Variants in PBX3 observed in about 807,000 individuals in gnomAD.
PBX3 encodes the protein PBX homeobox 3.
PBX3 carries 14 observed loss-of-function variants against 48.5 expected under a neutral mutation model. That is an observed-to-expected ratio of 0.29 (90% CI 0.19 to 0.45). The LOEUF (loss-of-function observed/expected upper bound fraction) is 0.45. Among genes scored for constraint, PBX3 ranks in the 20% least tolerant of loss-of-function variants. The pLI, the probability that PBX3 is intolerant of heterozygous loss-of-function variation, is 1.00. For synonymous variants in PBX3, 210 were observed against 200.3 expected (o/e 1.05, Z -0.41); for missense variants, 386 against 546.7 (o/e 0.71, Z 2.93).
At chr9:125,780,074 C>A (rs1234114933) in intron 2 of PBX3, among the ~76,000 whole-genome samples, 4 of 132,520 alleles carry the variant, frequency 3.0e-5, no homozygotes, top group Non-Finnish European at 4.9e-5. Context: ...CTGACCCCCC[C>A]ACCTCCCTCC....
intron 3 of PBX3, among the ~76,000 whole-genome samples, chr9:125,924,720 A>G (rs182372580): frequency 7.5e-4 from 114 of 152,342 alleles, no homozygotes; most frequent in African/African-American, 2.7e-3. Flanking sequence ...TATGGATATC[A>G]ACTCTGAACT....
rs191171455 is a variant in PBX3, at chr9:125,953,110, T to G, written c.844-7574T>G. Among the ~76,000 whole-genome samples the G allele has an allele frequency of 2.0e-5, 3 of 152,316 alleles. No homozygotes were observed. In the East Asian group the frequency reaches 5.8e-4, roughly 29 times the overall value. ...GTGAATATTTCCCCTCAACATGATC[T>G]TTAATAAATGATCATATTCCATTAT... On this transcript the variant is annotated intron_variant, in intron 5 of 8. Coordinates refer to ENST00000373489, the MANE Select transcript of PBX3 (RefSeq NM_006195.6).
chr9:125,869,298 A>G (rs1840060985), intron 2 of PBX3, among the ~76,000 whole-genome samples: 1 of 152,202 alleles, frequency 6.6e-6, no homozygotes, highest in African/African-American at 2.4e-5. Flanking sequence ...CCCAACAAAC[A>G]TTTAATTTAT....
chr9:125,788,465 T>G (rs1481902618), intron 2 of PBX3, among the ~76,000 whole-genome samples: 1 of 152,216 alleles, frequency 6.6e-6, no homozygotes, highest in Non-Finnish European at 1.5e-5. Context: ...TTGTCTGTAC[T>G]TTCGTTATAA....
intron 2 of PBX3, among the ~76,000 whole-genome samples, chr9:125,848,144 A>G (rs1298707488): frequency 6.6e-6 from 1 of 152,006 alleles, no homozygotes; most frequent in Non-Finnish European, 1.5e-5. Context: ...TCTCTGGAGA[A>G]CCAGTTTAGA....
In PBX3 at chr9:125,747,716, G is replaced by A. The variant is rs573780903; in HGVS notation, c.200+63G>A. 6.0e-6 allele frequency: 8 copies of A among 1,331,454 alleles called. No individual in the cohort carries two copies. The East Asian group carries it at 2.5e-4, about 41-fold the overall frequency. The allele number at this position is 1,331,454 out of a possible 1,614,324, so 82.5% of individuals were successfully genotyped here. A position where few individuals can be genotyped will look rare whatever the true frequency, so the allele number is the denominator to read the frequency against. ...CGGGAGCCGGGCCCGCGGCCGAGTC[G>A]AGGCCCGGGGTGGCGCCCGGGGCTA... On this transcript the variant is annotated intron_variant, in intron 1 of 8. Transcript: ENST00000373489.
chr9:125,920,606 C>T, intron 3 of PBX3, among the ~76,000 whole-genome samples: 1 of 152,208 alleles, frequency 6.6e-6, no homozygotes, highest in South Asian at 2.1e-4. Context: ...TCATAATTTA[C>T]AGCTGCTATA....
At chr9:125,880,594 A>G (rs1018386005) in intron 2 of PBX3, among the ~76,000 whole-genome samples, 17 of 152,240 alleles carry the variant, frequency 1.1e-4, no homozygotes, top group Non-Finnish European at 1.5e-5. Flanking sequence ...TACTACAGAA[A>G]TCATGCTTTT....
intron 8 of PBX3, among the ~76,000 whole-genome samples, chr9:125,965,100 C>T (rs1842504499): frequency 6.6e-6 from 1 of 152,194 alleles, no homozygotes. Context: ...TCTGCCACAG[C>T]AGAAATCTGA....
chr9:125,838,362 A>G (rs1215876530), intron 2 of PBX3, among the ~76,000 whole-genome samples: 1 of 152,186 alleles, frequency 6.6e-6, no homozygotes, highest in Non-Finnish European at 1.5e-5. Context: ...TTCTAAGTCT[A>G]CTTTGGACAA....
chr9:125,791,657 C>T (rs957731656), intron 2 of PBX3, among the ~76,000 whole-genome samples: 3 of 152,118 alleles, frequency 2.0e-5, no homozygotes, highest in Non-Finnish European at 2.9e-5. Context: ...TTTCCTAGGC[C>T]GGGCGCGGTG....
At chr9:125,792,282 G>A (rs1283614204) in intron 2 of PBX3, among the ~76,000 whole-genome samples, 1 of 152,116 alleles carries the variant, frequency 6.6e-6, no homozygotes, top group Non-Finnish European at 1.5e-5. Flanking sequence ...AGAGGAAACA[G>A]CATTTTCAAA....
At chr9:125,877,430 A>G (rs768246687) in intron 2 of PBX3, among the ~76,000 whole-genome samples, 1 of 152,190 alleles carries the variant, frequency 6.6e-6, no homozygotes, top group Non-Finnish European at 1.5e-5. Flanking sequence ...TCATTGTAGT[A>G]TCTTCTGTCA....
chr9:125,780,886 G>T (rs1837271888), intron 2 of PBX3, among the ~76,000 whole-genome samples: 1 of 148,116 alleles, frequency 6.8e-6, no homozygotes, highest in Non-Finnish European at 1.5e-5. Flanking sequence ...AGACGGGGCG[G>T]ATGCTGGGCG....
At chr9:125,862,817 G>T (rs1839892836) in intron 2 of PBX3, among the ~76,000 whole-genome samples, 1 of 152,160 alleles carries the variant, frequency 6.6e-6, no homozygotes, top group Non-Finnish European at 1.5e-5. Context: ...ATTTGAATGT[G>T]AATTACTTTT....
chr9:125,778,056 G>A (rs1837125374), intron 2 of PBX3, among the ~76,000 whole-genome samples: 1 of 151,216 alleles, frequency 6.6e-6, no homozygotes, highest in South Asian at 2.1e-4. Context: ...CTCCTCCCAG[G>A]TTAAAGCGAT....
chr9:125,843,661 A>G (rs1053159356), intron 2 of PBX3: 1 of 316,100 alleles, frequency 3.2e-6, no homozygotes, highest in Non-Finnish European at 6.6e-6. Context: ...ACATTAGGGC[A>G]CCAGAGAACT....
chr9:125,899,439 G>T (rs1193971462), intron 2 of PBX3, among the ~76,000 whole-genome samples: 1 of 75,744 alleles, frequency 1.3e-5, no homozygotes, highest in African/African-American at 5.9e-5. Flanking sequence ...ATATATATGT[G>T]TGTATATATA....
chr9:125,778,198 G>C (rs958834535), intron 2 of PBX3, among the ~76,000 whole-genome samples: 1 of 151,542 alleles, frequency 6.6e-6, no homozygotes, highest in Non-Finnish European at 1.5e-5. Flanking sequence ...CAGACCTCAG[G>C]TAATCCACTT....
Sources: allele counts gnomAD v4.1 joint callset (sites outside exome capture counted in the v4.1 genomes callset), GRCh38; gene constraint gnomAD v4.1.1; transcripts MANE v1.5; gene names NCBI Gene and HGNC (gene_info 2026-07-23, HGNC 2026-07-21).